The following RPS6KA5 variants were observed in gnomAD, a reference collection of about 807,000 sequenced individuals.
The protein encoded by RPS6KA5 is ribosomal protein S6 kinase alpha-5.
In RPS6KA5, 27 loss-of-function variants were observed where a neutral mutation model predicts 85.5. That is an observed-to-expected ratio of 0.32 (90% CI 0.23 to 0.44). The LOEUF (loss-of-function observed/expected upper bound fraction) is 0.44. Among genes scored for constraint, RPS6KA5 ranks in the 20% least tolerant of loss-of-function variants. The pLI, the probability that RPS6KA5 is intolerant of heterozygous loss-of-function variation, is 1.00. For synonymous variants in RPS6KA5, 334 were observed against 348.2 expected (o/e 0.96, Z 0.46); for missense variants, 811 against 980.9 (o/e 0.83, Z 2.31).
At chr14:90,998,138 T>G (rs1024277828) in intron 2 of RPS6KA5, among the ~76,000 whole-genome samples, 10 of 152,052 alleles carry the variant, frequency 6.6e-5, no homozygotes, top group Admixed American at 6.5e-4. Context: ...TACCTTTATA[T>G]GAAATGCCTA....
chr14:91,033,813 G>C (rs1444460783), intron 1 of RPS6KA5, among the ~76,000 whole-genome samples: 1 of 152,032 alleles, frequency 6.6e-6, no homozygotes, highest in Non-Finnish European at 1.5e-5. Flanking sequence ...TGTACCAGGA[G>C]AGATGAAACA....
At chr14:90,909,936 T>G (rs974644894) in intron 7 of RPS6KA5, among the ~76,000 whole-genome samples, 1 of 152,152 alleles carries the variant, frequency 6.6e-6, no homozygotes, top group Non-Finnish European at 1.5e-5. Flanking sequence ...CCACCATGCC[T>G]GGCTAATTTT....
chr14:90,956,736 C>G (rs943917614), intron 3 of RPS6KA5, among the ~76,000 whole-genome samples: 12 of 151,526 alleles, frequency 7.9e-5, no homozygotes, highest in African/African-American at 2.9e-4. Context: ...CTTATCATAA[C>G]AGCTTTGGGT....
chr14:90,920,417 T>C (rs1176105841), intron 6 of RPS6KA5, 108 bp from the exon 7 acceptor site: 1 of 751,934 alleles, frequency 1.3e-6, no homozygotes, highest in Non-Finnish European at 2.2e-6. Context: ...TAAAAAATGA[T>C]TTTGTACACC....
intron 4 of RPS6KA5, among the ~76,000 whole-genome samples, chr14:90,945,564 T>A (rs2037830372): frequency 6.6e-6 from 1 of 152,220 alleles, no homozygotes; most frequent in Non-Finnish European, 1.5e-5. Flanking sequence ...TGCGTTATAT[T>A]TATCTGTATC....
At chr14:90,955,183 T>C (rs1482976726) in intron 3 of RPS6KA5, among the ~76,000 whole-genome samples, 1 of 152,226 alleles carries the variant, frequency 6.6e-6, no homozygotes, top group African/African-American at 2.4e-5. Flanking sequence ...GGTTACTGAT[T>C]TCAAATGTTT....
At chr14:90,927,394 T>A (rs1005401030) in intron 5 of RPS6KA5, among the ~76,000 whole-genome samples, 12 of 151,982 alleles carry the variant, frequency 7.9e-5, no homozygotes, top group Middle Eastern at 3.2e-3. Context: ...GTATCATAAC[T>A]CACCAGTTAA....
chr14:90,978,755 T>G (rs2140480829), intron 2 of RPS6KA5, among the ~76,000 whole-genome samples: 1 of 152,294 alleles, frequency 6.6e-6, no homozygotes, highest in South Asian at 2.1e-4. Flanking sequence ...AAAATTATGC[T>G]TTTACTCTTT....
At chr14:90,969,943 T>A (rs192200460) in intron 3 of RPS6KA5, among the ~76,000 whole-genome samples, 42 of 152,216 alleles carry the variant, frequency 2.8e-4, no homozygotes, top group Non-Finnish European at 5.9e-5. Flanking sequence ...TATGCTTCAC[T>A]TCCATGAACT....
chr14:90,967,245 G>T (rs2039112682), intron 3 of RPS6KA5, among the ~76,000 whole-genome samples: 1 of 152,036 alleles, frequency 6.6e-6, no homozygotes, highest in Admixed American at 6.6e-5. Flanking sequence ...TAATTCCTTT[G>T]TATTTCTTAA....
intron 3 of RPS6KA5, among the ~76,000 whole-genome samples, chr14:90,957,168 G>T (rs57965667): frequency 1.3e-5 from 2 of 152,046 alleles, no homozygotes; most frequent in African/African-American, 2.4e-5. Context: ...GGGTTCAAGC[G>T]ATTCTTGCGC....
chr14:90,925,493 C>T (rs1054966079), intron 5 of RPS6KA5, among the ~76,000 whole-genome samples: 1 of 152,072 alleles, frequency 6.6e-6, no homozygotes, highest in Non-Finnish European at 1.5e-5. Flanking sequence ...CTCTTCTGCA[C>T]GGTGTGGGGA....
At chr14:90,904,850 A>G (rs113171013) in intron 8 of RPS6KA5, among the ~76,000 whole-genome samples, 8 of 152,206 alleles carry the variant, frequency 5.3e-5, no homozygotes, top group African/African-American at 1.9e-4. Context: ...AAATTTCTCT[A>G]ATATGAAAGA....
chr14:90,909,845 G>A (rs1289549100), intron 7 of RPS6KA5, among the ~76,000 whole-genome samples: 1 of 152,146 alleles, frequency 6.6e-6, no homozygotes, highest in Non-Finnish European at 1.5e-5. Flanking sequence ...AGGTTGGAGT[G>A]CAGTGGCGCA....
At chr14:91,032,950 G>C (rs192768977) in intron 1 of RPS6KA5, among the ~76,000 whole-genome samples, 11 of 152,064 alleles carry the variant, frequency 7.2e-5, no homozygotes, top group Non-Finnish European at 1.5e-4. Flanking sequence ...GAGGTGGGCA[G>C]ATCGAGGTCA....
At chr14:91,048,537 T>G (rs1304062473) in intron 1 of RPS6KA5, among the ~76,000 whole-genome samples, 3 of 152,200 alleles carry the variant, frequency 2.0e-5, no homozygotes, top group Admixed American at 6.5e-5. Flanking sequence ...GACAGCCAGC[T>G]CACTCACAAC....
chr14:90,887,265 T>G (rs1296492205), intron 14 of RPS6KA5, among the ~76,000 whole-genome samples: 1 of 152,210 alleles, frequency 6.6e-6, no homozygotes, highest in Non-Finnish European at 1.5e-5. Flanking sequence ...CACTGCAGTC[T>G]CAACCTCTGG....
intron 1 of RPS6KA5, among the ~76,000 whole-genome samples, chr14:91,051,477 G>T (rs2043076995): frequency 6.6e-6 from 1 of 151,870 alleles, no homozygotes. Context: ...TTTTTATCAT[G>T]AAACATCCTT....
rs576593677 is a variant in RPS6KA5, at chr14:91,053,102, CA to C, written c.103+7229del. ...AATGTAATACACCATATGAACAGAA[CA>C]AAAAAAATGGTCATCTTAATAGATG... On this transcript the variant is annotated intron_variant, in intron 1 of 16. Transcript: ENST00000614987. Among the ~76,000 whole-genome samples the C allele has an allele frequency of 1.9e-4, 29 of 151,620 alleles. No homozygotes were observed. The South Asian group carries it at 5.0e-3, about 26-fold the overall frequency.
Sources: gnomAD v4.1 joint callset for allele counts (sites outside exome capture counted in the v4.1 genomes callset) on GRCh38, gnomAD v4.1.1 for gene constraint, MANE v1.5 for transcripts, NCBI Gene and HGNC (gene_info 2026-07-23, HGNC 2026-07-21) for gene names.